JUP: variants seen among roughly 807,000 people sequenced by gnomAD.
JUP encodes the protein catenin (cadherin-associated protein), gamma 80kDa.
A neutral mutation model predicts 71.1 loss-of-function variants in JUP; 28 were observed. That is an observed-to-expected ratio of 0.39 (90% CI 0.29 to 0.54). The LOEUF (loss-of-function observed/expected upper bound fraction) is 0.54. Ranked by LOEUF, JUP falls within the 20% of genes least tolerant of loss-of-function variation. JUP has a pLI of 0.62. For synonymous variants in JUP, 401 were observed against 438.9 expected, an observed-to-expected ratio of 0.91 and a Z score of 1.08; for missense variants, 869 against 1,030.1, an observed-to-expected ratio of 0.84 and a Z score of 2.14.
Position 41,767,433 on chromosome 17 carries a change from C to G in JUP, c.855G>C (p.Leu285=), listed in dbSNP as rs1392149768. 11 of 1,614,124 alleles carry G rather than the reference C, an allele frequency of 6.8e-6. No homozygotes were observed. The highest frequency in any genetic ancestry group is 9.3e-6 in the Non-Finnish European group (11 of 1,180,030). Reference sequence around the variant, plus strand: ...GCTGCAGGCAGTCGGTGGTGATGGCCAGGAACTTGGGGTTGTTCTTGTTGA... The same window carrying G: ...GCTGCAGGCAGTCGGTGGTGATGGCGAGGAACTTGGGGTTGTTCTTGTTGA... ...PLLNKNNPKF[L]AITTDCLQLL... The change falls in exon 5 of 14, where the codon CTG becomes CTC. Residue 285 remains leucine, a synonymous_variant. Coordinates refer to ENST00000393931, the MANE Select transcript of JUP (RefSeq NM_002230.4).
chr17:41,772,699 A>T, intron 1 of JUP: 2 of 603,030 alleles, frequency 3.3e-6, no homozygotes, highest in Non-Finnish European at 4.2e-6. Context: ...CTCCTCCAGA[A>T]GTGCTTCCTC....
Position 41,772,507 on chromosome 17 carries a change from C to CTT in JUP, c.-8-647_-8-646dup, listed in dbSNP as rs547111896. On this transcript the variant is annotated intron_variant, in intron 1 of 13. Coordinates refer to ENST00000393931, the MANE Select transcript of JUP (RefSeq NM_002230.4). The stretch of plus-strand genomic sequence containing the variant: ...CAGCCCTCCCAGTCCCTAGACGCCT[C>CTT]TTTGAGTCCCACAGAGCAATTCAAA... Among the ~76,000 whole-genome samples the CTT allele has an allele frequency of 9.2e-5, 14 of 152,312 alleles. No individual in the cohort carries two copies. The South Asian group carries it at 2.9e-3, about 32-fold the overall frequency.
Position 41,755,676 on chromosome 17 carries a change from C to G in JUP, c.*68G>C. On this transcript the variant is annotated 3_prime_UTR_variant, in exon 14 of 14. Transcript: ENST00000393931. ...TTTCAGCGGGGAGATGGGAGGGCCT[C>G]CAACAGAAGGAGGTTCTAGAGAGGA... is the stretch of plus-strand genomic sequence containing the variant. 1 of 1,434,190 alleles carries G rather than the reference C, an allele frequency of 7.0e-7. No individual in the cohort carries two copies. The highest frequency in any genetic ancestry group is 1.5e-5 in the South Asian group (1 of 67,224). 88.8% of individuals were successfully genotyped at this position (1,434,190 alleles called of 1,614,324 possible).
intron 5 of JUP, among the ~76,000 whole-genome samples, chr17:41,767,022 G>A (rs1192200420): frequency 6.7e-6 from 1 of 149,382 alleles, no homozygotes; most frequent in Non-Finnish European, 1.5e-5. Flanking sequence ...ACTCTAGCCT[G>A]TGTGACAGAG....
At chr17:41,780,436 G>A (rs979175115) in intron 1 of JUP, among the ~76,000 whole-genome samples, 2 of 148,616 alleles carry the variant, frequency 1.3e-5, no homozygotes, top group Non-Finnish European at 3.0e-5. Context: ...GCTCACGCCT[G>A]TAATCCCAGC....
chr17:41,755,097 A>G lies in JUP; in HGVS notation c.*647T>C. The G allele has an allele frequency of 2.5e-6, 1 of 394,656 alleles. No individual in the cohort carries two copies. Among genetic ancestry groups the G allele is most frequent in the South Asian group, 1.4e-4 (1 of 6,970 alleles). 24.4% of individuals were successfully genotyped at this position (394,656 alleles called of 1,614,324 possible). A position where few individuals can be genotyped will look rare whatever the true frequency, so the allele number is the denominator to read the frequency against. On this transcript the variant is annotated 3_prime_UTR_variant, in exon 14 of 14. Transcript: ENST00000393931. ...GTCGGTGGAGTTCAGTGAGAAAATC[A>G]GACCCAGAGAAGGAACCAAAGCCCT...
Position 41,763,343 on chromosome 17 carries a change from G to A in JUP, c.1159-22C>T, listed in dbSNP as rs190551926. ...CCTCCTGGAGGGCAAGGAAGGGACG[G>A]GGGAGTCAGGGAGCAGCCAACTCCA... On this transcript the variant is annotated intron_variant, in intron 7 of 13. Transcript: ENST00000393931. The A allele has an allele frequency of 1.5e-4, 239 of 1,588,458 alleles. 1 individual carries two copies. The African/African-American group carries it at 2.7e-3, about 18-fold the overall frequency.
intron 1 of JUP, among the ~76,000 whole-genome samples, chr17:41,782,901 A>G (rs2047237981): frequency 6.6e-6 from 1 of 152,044 alleles, no homozygotes; most frequent in Non-Finnish European, 1.5e-5. Flanking sequence ...GTTCGAGACC[A>G]TCCTGACCAA....
At chr17:41,784,490 C>T (rs186211698) in intron 1 of JUP, among the ~76,000 whole-genome samples, 156 of 152,308 alleles carry the variant, frequency 1.0e-3, no homozygotes, top group African/African-American at 3.6e-3. Context: ...ATCACAGCCA[C>T]AAACCAGATT....
chr17:41,758,904 T>A (rs1420945737), intron 8 of JUP, 34 bp from the exon 9 acceptor site: 8 of 1,588,410 alleles, frequency 5.0e-6, no homozygotes, highest in Non-Finnish European at 6.9e-6. Context: ...CAGGGGCACT[T>A]CTTGGACATC....
At chr17:41,780,324 G>C (rs1178484507) in intron 1 of JUP, among the ~76,000 whole-genome samples, 1 of 151,972 alleles carries the variant, frequency 6.6e-6, no homozygotes, top group Non-Finnish European at 1.5e-5. Flanking sequence ...TTGAACCCAG[G>C]AATTCAAGGA....
At chr17:41,783,200 G>A (rs1555610729) in intron 1 of JUP, among the ~76,000 whole-genome samples, 1 of 152,032 alleles carries the variant, frequency 6.6e-6, no homozygotes, top group African/African-American at 2.4e-5. Context: ...GGTGCTGCTT[G>A]GGTCTCGCTG....
At chr17:41,785,145 C>G (rs1555611430) in intron 1 of JUP, 1 of 152,128 alleles carries the variant, frequency 6.6e-6, no homozygotes, top group African/African-American at 2.4e-5. Flanking sequence ...TGCAGGCCTC[C>G]AGAAAGCATG....
At chr17:41,762,145 G>C (rs1597797727) in intron 8 of JUP, among the ~76,000 whole-genome samples, 1 of 111,100 alleles carries the variant, frequency 9.0e-6, no homozygotes, top group African/African-American at 3.4e-5. Context: ...GAGAGAGAGA[G>C]AGAGAGAGAG....
intron 8 of JUP, among the ~76,000 whole-genome samples, chr17:41,760,294 C>T (rs1261290580): frequency 3.3e-5 from 5 of 151,348 alleles, no homozygotes; most frequent in East Asian, 2.0e-4. Context: ...CTCGCTCTGT[C>T]GCCCAGGCTG....
At chr17:41,779,895 C>CA (rs2047079731) in intron 1 of JUP, among the ~76,000 whole-genome samples, 1 of 150,650 alleles carries the variant, frequency 6.6e-6, no homozygotes. Flanking sequence ...AGGCTGGTCT[C>CA]AAAGTCCCGG....
At chr17:41,778,314 C>A (rs2046981069) in intron 1 of JUP, among the ~76,000 whole-genome samples, 1 of 152,216 alleles carries the variant, frequency 6.6e-6, no homozygotes, top group Non-Finnish European at 1.5e-5. Flanking sequence ...CCTGTAATCC[C>A]AGCACTTTAG....
At chr17:41,781,122 A>AGCGAGCG (rs1445888911) in intron 1 of JUP, among the ~76,000 whole-genome samples, 1 of 150,668 alleles carries the variant, frequency 6.6e-6, no homozygotes, top group Non-Finnish European at 1.5e-5. Context: ...CGGAGCTTGC[A>AGCGAGCG]GCGAGCGGAG....
chr17:41,757,124 T>C (rs1913946929), intron 12 of JUP, among the ~76,000 whole-genome samples: 1 of 152,148 alleles, frequency 6.6e-6, no homozygotes, highest in Admixed American at 6.5e-5. Context: ...TACAGGGCAC[T>C]GCCCCACCCT....
Sources: allele counts gnomAD v4.1 joint callset (sites outside exome capture counted in the v4.1 genomes callset), GRCh38; gene constraint gnomAD v4.1.1; transcripts MANE v1.5; gene names NCBI Gene and HGNC (gene_info 2026-07-23, HGNC 2026-07-21).